Variants in ZBTB44 observed in about 807,000 individuals in gnomAD.
The protein encoded by ZBTB44 is zinc finger and BTB domain-containing protein 44.
A neutral mutation model predicts 54.0 loss-of-function variants in ZBTB44; 15 were observed. The observed-to-expected ratio is 0.28, with a 90% CI of 0.19 to 0.43. The LOEUF (loss-of-function observed/expected upper bound fraction) is 0.43, where lower values mean the gene tolerates loss of function less well. Among genes scored for constraint, ZBTB44 ranks in the 20% least tolerant of loss-of-function variants. ZBTB44 has a pLI of 1.00. For synonymous variants in ZBTB44, 230 were observed against 250.1 expected (o/e 0.92, Z 0.76); for missense variants, 487 against 707.1 (o/e 0.69, Z 3.53).
chr11:130,239,713 GGTT>G (rs1391732941), intron 3 of ZBTB44, 96 bp downstream of exon 3: 11 of 903,638 alleles, frequency 1.2e-5, no homozygotes, highest in Non-Finnish European at 1.7e-5. Context: ...ACTGAAGTGA[GGTT>G]GTAATAAACT....
intron 2 of ZBTB44, among the ~76,000 whole-genome samples, chr11:130,243,969 T>C (rs1019791464): frequency 1.3e-5 from 2 of 152,110 alleles, no homozygotes; most frequent in African/African-American, 2.4e-5. Context: ...TCTAAGACTT[T>C]ACAACTTTTA....
intron 2 of ZBTB44, among the ~76,000 whole-genome samples, chr11:130,250,370 C>T (rs1053955719): frequency 6.6e-6 from 1 of 152,212 alleles, no homozygotes; most frequent in Admixed American, 6.5e-5. Context: ...CCTGCAGGTT[C>T]TGAAGAGAGC....
intron 1 of ZBTB44, among the ~76,000 whole-genome samples, chr11:130,268,743 T>C (rs1055865279): frequency 1.3e-5 from 2 of 151,788 alleles, no homozygotes; most frequent in Non-Finnish European, 2.9e-5. Flanking sequence ...TACACCTGGC[T>C]AATTTTTTGT....
chr11:130,246,276 T>C (rs556067079), intron 2 of ZBTB44, among the ~76,000 whole-genome samples: 35 of 152,320 alleles, frequency 2.3e-4, no homozygotes, highest in African/African-American at 7.9e-4. Flanking sequence ...TACACATATA[T>C]ATACACACAC....
rs565626449 is a variant in ZBTB44 at position 130,273,484 on chromosome 11, T to C, written c.-56-11555A>G. Reference sequence around the variant, plus strand: ...GCCACCAACATGCCTGGCTAATTTTTGTATTTTTTGTAGAGATGGGGTTTT... The same window carrying C: ...GCCACCAACATGCCTGGCTAATTTTCGTATTTTTTGTAGAGATGGGGTTTT... On this transcript the variant is annotated intron_variant, in intron 1 of 7. Coordinates refer to ENST00000357899, the MANE Select transcript of ZBTB44 (RefSeq NM_001301098.2). Among the ~76,000 whole-genome samples, 431 of 152,042 alleles carry C rather than the reference T, an allele frequency of 2.8e-3. 1 individual carries two copies. Among genetic ancestry groups the C allele is most frequent in the Non-Finnish European group, 4.4e-3 (298 of 67,980 alleles).
At chr11:130,284,390 T>C (rs576688702) in intron 1 of ZBTB44, among the ~76,000 whole-genome samples, 1 of 152,356 alleles carries the variant, frequency 6.6e-6, no homozygotes, top group Non-Finnish European at 1.5e-5. Flanking sequence ...TTACCACAAC[T>C]GTTCATGGTA....
chr11:130,263,937 A>T (rs1001531104), intron 1 of ZBTB44, among the ~76,000 whole-genome samples: 1 of 152,192 alleles, frequency 6.6e-6, no homozygotes, highest in African/African-American at 2.4e-5. Context: ...CATAAGTCTG[A>T]TTTAAACAAC....
intron 1 of ZBTB44, chr11:130,295,789 C>G: frequency 1.4e-6 from 2 of 1,434,464 alleles, no homozygotes; most frequent in Non-Finnish European, 2.0e-6. Flanking sequence ...AAAATTCATG[C>G]CCAGGAATGC....
At position 130,237,083 on chromosome 11, in the gene ZBTB44, T is replaced by C; in HGVS notation, c.1278A>G (p.Pro426=). 6.4e-7 allele frequency: 1 copy of C among 1,569,454 alleles called. No homozygotes were observed. Residue 426 remains proline, a synonymous_variant, in exon 5 of 8, where the codon CCA becomes CCG. Transcript: ENST00000357899. ...TTTTCCCACAGCGGTCACACTGAAA[T>C]GGTTTAATTCCTGTAAATAAAGCAA... ...QHMLIHSGIK[P]FQCDRCGKKF... is the part of the protein sequence containing the mutation.
At chr11:130,272,044 A>G (rs1939709937) in intron 1 of ZBTB44, among the ~76,000 whole-genome samples, 1 of 152,060 alleles carries the variant, frequency 6.6e-6, no homozygotes. Flanking sequence ...AGCCTGGCCA[A>G]TATGGTGAAG....
intron 1 of ZBTB44, among the ~76,000 whole-genome samples, chr11:130,286,948 ATC>A (rs1461596827): frequency 2.6e-5 from 4 of 152,192 alleles, no homozygotes; most frequent in African/African-American, 9.7e-5. Context: ...TTATTGACAG[ATC>A]TCTGACTCTA....
chr11:130,244,682 A>G (rs1214515202), intron 2 of ZBTB44, among the ~76,000 whole-genome samples: 2 of 146,128 alleles, frequency 1.4e-5, no homozygotes, highest in East Asian at 2.0e-4. Flanking sequence ...AAAAAAAAAA[A>G]AAAAGAAAGA....
At chr11:130,279,402 T>G (rs1940348649) in intron 1 of ZBTB44, among the ~76,000 whole-genome samples, 1 of 151,704 alleles carries the variant, frequency 6.6e-6, no homozygotes, top group Non-Finnish European at 1.5e-5. Flanking sequence ...CTCACACCTG[T>G]AATACCAGCA....
At chr11:130,292,923 A>G (rs1331988029) in intron 1 of ZBTB44, among the ~76,000 whole-genome samples, 1 of 152,202 alleles carries the variant, frequency 6.6e-6, no homozygotes, top group African/African-American at 2.4e-5. Flanking sequence ...GCAGTACCTC[A>G]TATTTTATAT....
intron 1 of ZBTB44, among the ~76,000 whole-genome samples, chr11:130,292,116 T>C (rs563402001): frequency 3.3e-5 from 5 of 152,366 alleles, no homozygotes; most frequent in Admixed American, 2.6e-4. Flanking sequence ...TTTTTATTGC[T>C]GAATACTATT....
chr11:130,280,211 T>C (rs1940405936), intron 1 of ZBTB44, among the ~76,000 whole-genome samples: 3 of 152,172 alleles, frequency 2.0e-5, no homozygotes, highest in Admixed American at 1.3e-4. Context: ...ATGCAAATGA[T>C]TTAATCACAA....
chr11:130,256,119 C>T (rs2136396578), intron 2 of ZBTB44, among the ~76,000 whole-genome samples: 1 of 152,240 alleles, frequency 6.6e-6, no homozygotes, highest in Non-Finnish European at 1.5e-5. Flanking sequence ...GATTCCAAAA[C>T]CTGGCAGAGG....
chr11:130,257,092 T>C (rs1938501334), intron 2 of ZBTB44, among the ~76,000 whole-genome samples: 2 of 151,914 alleles, frequency 1.3e-5, no homozygotes, highest in South Asian at 4.2e-4. Context: ...ACAAAATCAA[T>C]GTGCAAAAAT....
At chr11:130,272,142 G>A (rs1321400390) in intron 1 of ZBTB44, among the ~76,000 whole-genome samples, 1 of 151,998 alleles carries the variant, frequency 6.6e-6, no homozygotes, top group African/African-American at 2.4e-5. Flanking sequence ...TGAGGCAGGA[G>A]AATAGCTTGA....
Sources: gnomAD v4.1 joint callset for allele counts (sites outside exome capture counted in the v4.1 genomes callset) on GRCh38, gnomAD v4.1.1 for gene constraint, MANE v1.5 for transcripts, NCBI Gene and HGNC (gene_info 2026-07-23, HGNC 2026-07-21) for gene names.